Variants in SLC35F3 observed in about 807,000 individuals in gnomAD.
The protein encoded by SLC35F3 is putative thiamine transporter SLC35F3.
Under a neutral mutation model 49.9 loss-of-function variants are expected in SLC35F3, and 25 were observed. That is an observed-to-expected ratio of 0.50 (90% CI 0.37 to 0.70). The LOEUF (loss-of-function observed/expected upper bound fraction) is 0.70, where lower values mean the gene tolerates loss of function less well. SLC35F3 is among the 30% of genes least tolerant of loss of function. The probability of loss-of-function intolerance (pLI) is 0.00; values close to 1 mark genes in which losing one functional copy is unlikely to be tolerated. For missense variants in SLC35F3, 525 were observed against 639.8 expected, an observed-to-expected ratio of 0.82 and a Z score of 1.94; for synonymous variants, 275 against 265.4, an observed-to-expected ratio of 1.04 and a Z score of -0.35.
At chr1:234,000,094 A>G (rs1354570204) in intron 2 of SLC35F3, among the ~76,000 whole-genome samples, 1 of 152,188 alleles carries the variant, frequency 6.6e-6, no homozygotes, top group Non-Finnish European at 1.5e-5. Flanking sequence ...TGTAACGAGG[A>G]TATTCAAAGA....
intron 2 of SLC35F3, among the ~76,000 whole-genome samples, chr1:233,972,718 T>G (rs1171654737): frequency 6.6e-6 from 1 of 152,230 alleles, no homozygotes; most frequent in Non-Finnish European, 1.5e-5. Context: ...AAGGCCTTTT[T>G]CTCATTTCTC....
intron 2 of SLC35F3, among the ~76,000 whole-genome samples, chr1:234,032,573 G>GA (rs1664080400): frequency 6.6e-6 from 1 of 152,106 alleles, no homozygotes; most frequent in South Asian, 2.1e-4. Flanking sequence ...TGTCCTCATA[G>GA]ATTAGCTCCC....
chr1:234,064,128 C>A (rs1398125532), intron 2 of SLC35F3, among the ~76,000 whole-genome samples: 6 of 152,088 alleles, frequency 3.9e-5, no homozygotes, highest in Admixed American at 3.9e-4. Context: ...GGACTGTTTC[C>A]TTTGTCTGTT....
intron 3 of SLC35F3, among the ~76,000 whole-genome samples, chr1:234,304,682 A>C (rs1424313983): frequency 6.6e-6 from 1 of 152,088 alleles, no homozygotes; most frequent in Non-Finnish European, 1.5e-5. Flanking sequence ...TATATTCCAC[A>C]CCATCTATCT....
intron 3 of SLC35F3, among the ~76,000 whole-genome samples, chr1:234,235,158 T>C (rs1667444934): frequency 6.6e-6 from 1 of 152,210 alleles, no homozygotes; most frequent in Non-Finnish European, 1.5e-5. Context: ...TGGGCAAACC[T>C]CTCAGCCTAA....
chr1:234,219,789 G>A (rs141164373), intron 2 of SLC35F3, among the ~76,000 whole-genome samples: 6 of 152,254 alleles, frequency 3.9e-5, no homozygotes, highest in South Asian at 2.1e-4. Context: ...TCCAGGTGAC[G>A]GCCTAAACAT....
At chr1:234,033,449 G>T (rs765117826) in intron 2 of SLC35F3, among the ~76,000 whole-genome samples, 2 of 152,120 alleles carry the variant, frequency 1.3e-5, no homozygotes, top group Non-Finnish European at 2.9e-5. Flanking sequence ...GTCTAGAAGG[G>T]TTTTTCCAAT....
chr1:234,112,057 T>C (rs957045230), intron 2 of SLC35F3, among the ~76,000 whole-genome samples: 1 of 152,066 alleles, frequency 6.6e-6, no homozygotes, highest in African/African-American at 2.4e-5. Context: ...ATTCAGTGCT[T>C]AGACCAGGTG....
At chr1:234,166,053 G>A (rs1666313805) in intron 2 of SLC35F3, among the ~76,000 whole-genome samples, 2 of 152,176 alleles carry the variant, frequency 1.3e-5, no homozygotes, top group South Asian at 2.1e-4. Context: ...TGGCTGAGTA[G>A]TATTCCATGG....
chr1:234,225,519 A>C (rs1004132505), intron 2 of SLC35F3, among the ~76,000 whole-genome samples: 7 of 152,216 alleles, frequency 4.6e-5, no homozygotes, highest in Admixed American at 3.3e-4. Context: ...TCTCAACTGT[A>C]TCCCATTTGG....
intron 2 of SLC35F3, among the ~76,000 whole-genome samples, chr1:234,200,621 A>T (rs1666888627): frequency 1.3e-5 from 2 of 151,422 alleles, no homozygotes; most frequent in African/African-American, 4.9e-5. Flanking sequence ...AAAATTAAGT[A>T]TTTTTTTTTC....
intron 2 of SLC35F3, among the ~76,000 whole-genome samples, chr1:233,953,843 G>A (rs1662649973): frequency 6.6e-6 from 1 of 152,162 alleles, no homozygotes. Context: ...GGAAGGTGCA[G>A]CATCAAAAAG....
intron 2 of SLC35F3, among the ~76,000 whole-genome samples, chr1:233,945,266 G>A (rs952611558): frequency 2.6e-5 from 4 of 152,036 alleles, no homozygotes; most frequent in African/African-American, 9.7e-5. Flanking sequence ...AGGCCAGGCG[G>A]CATGCAGCCT....
At chr1:233,925,272 C>G (rs150991930) in intron 2 of SLC35F3, among the ~76,000 whole-genome samples, 16,487 of 152,112 alleles carry the variant, frequency 0.11, 953 homozygotes, top group South Asian at 0.14. Flanking sequence ...GAGTCTGAGT[C>G]TCTTTGTAGG....
At chr1:233,986,302 C>G (rs2102824729) in intron 2 of SLC35F3, among the ~76,000 whole-genome samples, 1 of 152,270 alleles carries the variant, frequency 6.6e-6, no homozygotes. Flanking sequence ...CCCAACTTCT[C>G]TCCACCCCAA....
intron 2 of SLC35F3, among the ~76,000 whole-genome samples, chr1:233,973,680 G>A (rs752002563): frequency 1.9e-4 from 29 of 152,180 alleles, no homozygotes; most frequent in Non-Finnish European, 3.5e-4. Flanking sequence ...CCACGTGGGT[G>A]GGGAAGCAAG....
chr1:233,991,658 A>G (rs1663357036), intron 2 of SLC35F3, among the ~76,000 whole-genome samples: 2 of 152,122 alleles, frequency 1.3e-5, no homozygotes, highest in South Asian at 4.1e-4. Context: ...TATGACCACT[A>G]CAAGTATTTT....
intron 2 of SLC35F3, among the ~76,000 whole-genome samples, chr1:234,223,951 G>C (rs1281698173): frequency 6.6e-6 from 1 of 152,202 alleles, no homozygotes; most frequent in Non-Finnish European, 1.5e-5. Flanking sequence ...TATGGAGAGA[G>C]AGAGATAGAA....
At chr1:233,968,562 A>G (rs1317967290) in intron 2 of SLC35F3, among the ~76,000 whole-genome samples, 6 of 151,916 alleles carry the variant, frequency 3.9e-5, no homozygotes, top group Non-Finnish European at 1.5e-5. Context: ...ATCTTGGCTC[A>G]CTGCAACCTC....
Sources: allele counts gnomAD v4.1 joint callset (sites outside exome capture counted in the v4.1 genomes callset), GRCh38; gene constraint gnomAD v4.1.1; transcripts MANE v1.5; gene names NCBI Gene and HGNC (gene_info 2026-07-23, HGNC 2026-07-21).